CNTNAP2: variants seen among roughly 807,000 people sequenced by gnomAD.
CNTNAP2 encodes contactin associated protein 2.
A neutral mutation model predicts 155.2 loss-of-function variants in CNTNAP2; 98 were observed. The observed-to-expected ratio is 0.63, with a 90% CI of 0.54 to 0.75. The LOEUF is 0.75. Ranked by LOEUF, CNTNAP2 falls within the 30% of genes least tolerant of loss-of-function variation. The pLI, the probability that CNTNAP2 is intolerant of heterozygous loss-of-function variation, is 0.00. For missense variants in CNTNAP2, 1,727 were observed against 1,688.1 expected, an observed-to-expected ratio of 1.02 and a Z score of -0.40; for synonymous variants, 651 against 631.2, an observed-to-expected ratio of 1.03 and a Z score of -0.47.
At chr7:148,166,282 C>T (rs1328349546) in intron 17 of CNTNAP2, among the ~76,000 whole-genome samples, 2 of 152,080 alleles carry the variant, frequency 1.3e-5, no homozygotes, top group Admixed American at 6.6e-5. Flanking sequence ...TGCTTCAATA[C>T]TATGAAGCAG....
chr7:146,125,235 A>G (rs1045335761), intron 1 of CNTNAP2, among the ~76,000 whole-genome samples: 1 of 152,200 alleles, frequency 6.6e-6, no homozygotes, highest in Non-Finnish European at 1.5e-5. Context: ...AAAAGGAAAT[A>G]GTAGCATAGT....
intron 9 of CNTNAP2, among the ~76,000 whole-genome samples, chr7:147,305,489 TGCA>T (rs1795011590): frequency 6.6e-6 from 1 of 152,162 alleles, no homozygotes; most frequent in African/African-American, 2.4e-5. Context: ...AATACGAACT[TGCA>T]GCATCCCATT....
At chr7:147,374,698 G>A (rs1028412968) in intron 9 of CNTNAP2, among the ~76,000 whole-genome samples, 2 of 151,978 alleles carry the variant, frequency 1.3e-5, no homozygotes, top group African/African-American at 2.4e-5. Context: ...AGGAGGAGCC[G>A]GTAGTCTCTG....
intron 1 of CNTNAP2, among the ~76,000 whole-genome samples, chr7:146,313,802 C>A (rs1800865077): frequency 6.6e-6 from 1 of 152,098 alleles, no homozygotes; most frequent in Non-Finnish European, 1.5e-5. Flanking sequence ...ACTTTGAGAC[C>A]AGCCTGGCCA....
chr7:146,779,995 T>C (rs1311815954), intron 2 of CNTNAP2, among the ~76,000 whole-genome samples: 3 of 152,162 alleles, frequency 2.0e-5, no homozygotes, highest in African/African-American at 4.8e-5. Flanking sequence ...GACACCACTT[T>C]ATACTAGAAT....
intron 20 of CNTNAP2, among the ~76,000 whole-genome samples, chr7:148,247,595 TTCTCTCTCTCTC>T (rs140317251): frequency 2.3e-5 from 3 of 132,972 alleles, no homozygotes; most frequent in Admixed American, 7.6e-5. Flanking sequence ...GCTTCTCCCA[TTCTCTCTCTCTC>T]TCTCTCTCTC....
At chr7:147,975,697 A>C (rs942052282) in intron 14 of CNTNAP2, among the ~76,000 whole-genome samples, 4 of 152,158 alleles carry the variant, frequency 2.6e-5, no homozygotes, top group African/African-American at 9.7e-5. Context: ...CAATAAATAA[A>C]TTGAAGTGTA....
intron 1 of CNTNAP2, among the ~76,000 whole-genome samples, chr7:146,705,355 T>C (rs534264520): frequency 1.1e-4 from 16 of 152,244 alleles, no homozygotes; most frequent in Admixed American, 2.0e-4. Context: ...GTGGTAAGTA[T>C]TTGTTTCCTG....
At chr7:147,605,478 C>G (rs1348075962) in intron 12 of CNTNAP2, among the ~76,000 whole-genome samples, 2 of 152,064 alleles carry the variant, frequency 1.3e-5, no homozygotes, top group Admixed American at 1.3e-4. Context: ...AAATGCATGT[C>G]GAGCAAAGGT....
At chr7:147,239,505 G>A (rs764269517) in intron 8 of CNTNAP2, among the ~76,000 whole-genome samples, 5 of 123,404 alleles carry the variant, frequency 4.1e-5, no homozygotes, top group African/African-American at 9.6e-5. Flanking sequence ...GCGAGACTCC[G>A]TTTCCAAAAA....
At chr7:148,068,861 G>C (rs1803320252) in intron 15 of CNTNAP2, among the ~76,000 whole-genome samples, 1 of 152,066 alleles carries the variant, frequency 6.6e-6, no homozygotes, top group South Asian at 2.1e-4. Flanking sequence ...GAATTTATTG[G>C]TACCTTGCTG....
At chr7:147,399,571 A>G (rs575526321) in intron 10 of CNTNAP2, among the ~76,000 whole-genome samples, 1 of 152,330 alleles carries the variant, frequency 6.6e-6, no homozygotes, top group South Asian at 2.1e-4. Flanking sequence ...CCATCTCTTC[A>G]GACTGGGAAG....
At chr7:148,344,358 T>TC (rs1162608351) in intron 21 of CNTNAP2, among the ~76,000 whole-genome samples, 5 of 152,138 alleles carry the variant, frequency 3.3e-5, no homozygotes, top group Non-Finnish European at 5.9e-5. Flanking sequence ...TGTGTCCGGG[T>TC]CTCTGGGGTA....
At chr7:148,067,961 C>T (rs1803299575) in intron 15 of CNTNAP2, among the ~76,000 whole-genome samples, 1 of 152,098 alleles carries the variant, frequency 6.6e-6, no homozygotes, top group Admixed American at 6.5e-5. Context: ...TCACTCACTT[C>T]CCACACAGCC....
At chr7:148,337,094 G>T (rs1023431064) in intron 21 of CNTNAP2, among the ~76,000 whole-genome samples, 1 of 152,136 alleles carries the variant, frequency 6.6e-6, no homozygotes, top group African/African-American at 2.4e-5. Flanking sequence ...TGGCCACAAT[G>T]CCCAGGCACA....
chr7:148,167,396 C>T (rs1805688670), intron 17 of CNTNAP2, among the ~76,000 whole-genome samples: 1 of 152,070 alleles, frequency 6.6e-6, no homozygotes, highest in Admixed American at 6.6e-5. Flanking sequence ...GCCTTGGCCT[C>T]CCAAAGTGCT....
chr7:147,503,816 A>C (rs1342789850), intron 11 of CNTNAP2, among the ~76,000 whole-genome samples: 1 of 152,102 alleles, frequency 6.6e-6, no homozygotes, highest in African/African-American at 2.4e-5. Context: ...TGTAGGCCTA[A>C]GTTAACTATT....
chr7:147,946,126 A>T (rs1800817153), intron 14 of CNTNAP2, among the ~76,000 whole-genome samples: 1 of 151,768 alleles, frequency 6.6e-6, no homozygotes, highest in East Asian at 1.9e-4. Context: ...ACACTACCCA[A>T]ACACGTAGCA....
intron 22 of CNTNAP2, among the ~76,000 whole-genome samples, chr7:148,384,366 ACT>A (rs1320944441): frequency 6.6e-6 from 1 of 151,858 alleles, no homozygotes; most frequent in South Asian, 2.1e-4. Context: ...AGCTTGCAAA[ACT>A]CTGTGGATTT....
Sources: allele counts gnomAD v4.1 joint callset (sites outside exome capture counted in the v4.1 genomes callset), GRCh38; gene constraint gnomAD v4.1.1; transcripts MANE v1.5; gene names NCBI Gene and HGNC (gene_info 2026-07-23, HGNC 2026-07-21).